QSER1: variants seen among roughly 807,000 people sequenced by gnomAD.
QSER1 encodes the protein glutamine and serine-rich protein 1.
Under a neutral mutation model 158.5 loss-of-function variants are expected in QSER1, and 49 were observed. The ratio of observed to expected loss-of-function variants is 0.31; its 90% CI spans 0.25 to 0.39. The LOEUF is 0.39. Among genes scored for constraint, QSER1 ranks in the 10% least tolerant of loss-of-function variants. The pLI, the probability that QSER1 is intolerant of heterozygous loss-of-function variation, is 1.00. For synonymous variants in QSER1, 650 were observed against 715.5 expected, an observed-to-expected ratio of 0.91 and a Z score of 1.46; for missense variants, 1,754 against 2,010.3, an observed-to-expected ratio of 0.87 and a Z score of 2.44.
rs1157329476 is a variant in QSER1 at position 32,919,176 on chromosome 11, CAG to C, written c.210-7978_210-7977del. ...TTGTTGCGGTTTTGTTTTTTAGAGA[CAG>C]AGTCTTGCTCTGTCATCCAGGCTAG... On this transcript the variant is annotated intron_variant, in intron 1 of 12. Transcript: ENST00000650167. Among the ~76,000 whole-genome samples, 152 of 152,220 alleles carry C rather than the reference CAG, an allele frequency of 1.0e-3. 1 individual carries two copies. Among genetic ancestry groups the C allele is most frequent in the South Asian group, 2.1e-4 (1 of 4,816 alleles).
chr11:32,954,318 A>C, intron 5 of QSER1, 139 bp downstream of exon 5: 1 of 961,112 alleles, frequency 1.0e-6, no homozygotes, highest in South Asian at 2.1e-5. Context: ...TAAAATCAAA[A>C]TATTAAGAGT....
intron 4 of QSER1, among the ~76,000 whole-genome samples, chr11:32,945,737 G>A (rs1192672550): frequency 6.7e-6 from 1 of 150,306 alleles, no homozygotes; most frequent in Non-Finnish European, 1.5e-5. Flanking sequence ...TTCTCGAGGA[G>A]TATCTTTGTG....
chr11:32,971,748 T>C (rs558035606), intron 10 of QSER1, among the ~76,000 whole-genome samples: 1 of 152,084 alleles, frequency 6.6e-6, no homozygotes, highest in Non-Finnish European at 1.5e-5. Context: ...AAGAAAAATT[T>C]AGGTTGCCTG....
In QSER1 at chr11:32,955,972, G is replaced by A. The variant is rs775263598; in HGVS notation, c.4618-16G>A. The A allele has an allele frequency of 4.4e-6, 7 of 1,594,708 alleles. No homozygotes were observed. The highest frequency in any genetic ancestry group is 2.2e-5 in the East Asian group (1 of 44,480). On this transcript the variant is annotated splice_polypyrimidine_tract_variant and intron_variant, in intron 6 of 12. Coordinates refer to ENST00000650167, the MANE Select transcript of QSER1 (RefSeq NM_001076786.3). ...AGATTGTTCAATTATGTAACTCAAA[G>A]TGTTTCCTTCCTCAGTATCTTGGAT...
At chr11:32,942,324 T>C (rs1290131092) in intron 4 of QSER1, among the ~76,000 whole-genome samples, 7 of 147,722 alleles carry the variant, frequency 4.7e-5, no homozygotes, top group Non-Finnish European at 1.0e-4. Flanking sequence ...ATGTCCTGAA[T>C]GGTAATGCCT....
At chr11:32,953,575 CTCT>C (rs376366353) in intron 4 of QSER1, among the ~76,000 whole-genome samples, 52 of 152,154 alleles carry the variant, frequency 3.4e-4, no homozygotes, top group African/African-American at 9.9e-4. Context: ...TGTACCCAGC[CTCT>C]TCTTTTAAAA....
At chr11:32,970,347 G>C (rs1337394201) in intron 10 of QSER1, among the ~76,000 whole-genome samples, 1 of 152,170 alleles carries the variant, frequency 6.6e-6, no homozygotes, top group East Asian at 1.9e-4. Context: ...AAATTTAGAA[G>C]CTAGTAAGAA....
chr11:32,979,169 G>A lies in QSER1; in HGVS notation c.*2695G>A, dbSNP rs1853030273. ...GTCTGTCTTTGAAAAGTTGTAATGC[G>A]GCGCATGACTATAAATACCTAGCTG... On this transcript the variant is annotated 3_prime_UTR_variant, in exon 13 of 13. Coordinates refer to ENST00000650167, the MANE Select transcript of QSER1 (RefSeq NM_001076786.3). The A allele has an allele frequency of 6.6e-6, 1 of 152,574 alleles. No homozygotes were observed. Among genetic ancestry groups the A allele is most frequent in the Non-Finnish European group, 1.5e-5 (1 of 68,030 alleles). The allele number at this position is 152,574 out of a possible 1,614,324, so 9.5% of individuals were successfully genotyped here. A position where few individuals can be genotyped will look rare whatever the true frequency, so the allele number is the denominator to read the frequency against.
At chr11:32,935,605 G>T (rs1282587911) in intron 4 of QSER1, among the ~76,000 whole-genome samples, 170 bp downstream of exon 4, 1 of 152,180 alleles carries the variant, frequency 6.6e-6, no homozygotes, top group Non-Finnish European at 1.5e-5. Flanking sequence ...TTGCCTATAG[G>T]AAAGGTCTAT....
chr11:32,895,398 A>G (rs1851542146), intron 1 of QSER1, among the ~76,000 whole-genome samples: 1 of 152,128 alleles, frequency 6.6e-6, no homozygotes, highest in African/African-American at 2.4e-5. Context: ...ACAGAGTTAC[A>G]CTTCTGAATT....
At chr11:32,924,691 T>C (rs1434180360) in intron 1 of QSER1, among the ~76,000 whole-genome samples, 1 of 152,106 alleles carries the variant, frequency 6.6e-6, no homozygotes, top group Non-Finnish European at 1.5e-5. Context: ...CCAGGGTATG[T>C]AAAGAATTCT....
chr11:32,926,503 G>C (rs766059963), intron 1 of QSER1, among the ~76,000 whole-genome samples: 1 of 152,094 alleles, frequency 6.6e-6, no homozygotes, highest in Non-Finnish European at 1.5e-5. Flanking sequence ...AATAGTTGTT[G>C]AATCTTAAGG....
rs766291754 is a variant in QSER1, at chr11:32,935,385, C to G, written c.4127C>G (p.Ser1376Cys). ...GYSQDAYKSV[S>C]TPLTTLDATS... ...AGTCAAGATGCTTATAAAAGCGTCTCTACTCCCTTAACTACTTTGGATGCT... is the reference window on the plus strand; with the variant it reads ...AGTCAAGATGCTTATAAAAGCGTCTGTACTCCCTTAACTACTTTGGATGCT... Residue 1376 changes from serine to cysteine, a missense_variant, in exon 4 of 13, where the codon TCT (serine) becomes TGT (cysteine). Transcript: ENST00000650167. The G allele has an allele frequency of 5.7e-6, 9 of 1,585,204 alleles. No homozygotes were observed. The highest frequency in any genetic ancestry group is 7.7e-6 in the Non-Finnish European group (9 of 1,171,298).
intron 1 of QSER1, among the ~76,000 whole-genome samples, chr11:32,918,793 C>G (rs533084904): frequency 4.6e-5 from 7 of 152,068 alleles, no homozygotes; most frequent in African/African-American, 1.7e-4. Flanking sequence ...CCTCTTCCCC[C>G]CAAAAACCCC....
intron 4 of QSER1, among the ~76,000 whole-genome samples, chr11:32,944,440 T>C (rs1255070814): frequency 6.6e-6 from 1 of 151,488 alleles, no homozygotes; most frequent in Non-Finnish European, 1.5e-5. Context: ...GTTGTGTCTT[T>C]GTTCTCGTTG....
chr11:32,947,155 G>A (rs908622101), intron 4 of QSER1, among the ~76,000 whole-genome samples: 1 of 152,186 alleles, frequency 6.6e-6, no homozygotes, highest in African/African-American at 2.4e-5. Context: ...GATGAACCCG[G>A]TACCTCAGAT....
chr11:32,976,478 T>C lies in QSER1; in HGVS notation c.*4T>C, dbSNP rs1219028239. On this transcript the variant is annotated 3_prime_UTR_variant, in exon 13 of 13. Transcript: ENST00000650167. ...TGTACAGCAGAAATGTTCCTGACTT[T>C]TCCACAAAAATCCCATCTTTTTATA... 6.2e-7 allele frequency: 1 copy of C among 1,609,142 alleles called. No homozygotes were observed. The highest frequency in any genetic ancestry group is 8.5e-7 in the Non-Finnish European group (1 of 1,178,398).
chr11:32,926,792 A>G (rs1399636986), intron 1 of QSER1: 1 of 152,190 alleles, frequency 6.6e-6, no homozygotes, highest in Non-Finnish European at 1.5e-5. Flanking sequence ...TAGTCCAACA[A>G]TAATTGAGTC....
In QSER1 at chr11:32,921,951, A is replaced by G. The variant is rs150264326; in HGVS notation, c.210-5206A>G. ...ATAGTCAAGAAATAGAAACCCATATATATGGTTTATTGGTTTTTGACAGAG... is the reference window on the plus strand; with the variant it reads ...ATAGTCAAGAAATAGAAACCCATATGTATGGTTTATTGGTTTTTGACAGAG... On this transcript the variant is annotated intron_variant, in intron 1 of 12. Coordinates refer to ENST00000650167, the MANE Select transcript of QSER1 (RefSeq NM_001076786.3). Among the ~76,000 whole-genome samples the G allele has an allele frequency of 3.6e-3, 548 of 152,352 alleles. 3 individuals carry two copies. Among genetic ancestry groups the G allele is most frequent in the African/African-American group, 0.012 (498 of 41,586 alleles).
Sources: allele counts gnomAD v4.1 joint callset (sites outside exome capture counted in the v4.1 genomes callset), GRCh38; gene constraint gnomAD v4.1.1; transcripts MANE v1.5; gene names NCBI Gene and HGNC (gene_info 2026-07-23, HGNC 2026-07-21).